Variants in DDI2 observed in about 807,000 individuals in gnomAD.
The protein encoded by DDI2 is DDI proteasomal shuttling factor 2, also known as protein DDI1 homolog 2.
A neutral mutation model predicts 48.1 loss-of-function variants in DDI2; 5 were observed. The observed-to-expected ratio is 0.10, with a 90% CI of 0.05 to 0.22. The LOEUF (loss-of-function observed/expected upper bound fraction) is 0.22. Among genes scored for constraint, DDI2 ranks in the 10% least tolerant of loss-of-function variants. DDI2 has a pLI of 1.00. For synonymous variants in DDI2, 205 were observed against 183.6 expected, an observed-to-expected ratio of 1.12 and a Z score of -0.94; for missense variants, 285 against 506.2, an observed-to-expected ratio of 0.56 and a Z score of 4.19.
chr1:15,636,095 T>C (rs6660234), intron 4 of DDI2, among the ~76,000 whole-genome samples: 47,521 of 152,088 alleles, frequency 0.31, 8,150 homozygotes, highest in African/African-American at 0.43. Flanking sequence ...ATGATTATTA[T>C]GAAAAGAACA....
intron 1 of DDI2, among the ~76,000 whole-genome samples, chr1:15,623,666 G>C (rs1024470335): frequency 1.3e-5 from 2 of 151,850 alleles, no homozygotes; most frequent in Non-Finnish European, 2.9e-5. Flanking sequence ...TCCTCCCAAA[G>C]TTTTGGAATT....
chr1:15,652,549 C>T (rs1032147901), intron 8 of DDI2, among the ~76,000 whole-genome samples: 13 of 142,292 alleles, frequency 9.1e-5, no homozygotes, highest in African/African-American at 3.4e-4. Flanking sequence ...ATTGGCCAGG[C>T]GCGGTGGCTC....
At chr1:15,644,212 T>C (rs1640051111) in intron 6 of DDI2, among the ~76,000 whole-genome samples, 1 of 152,230 alleles carries the variant, frequency 6.6e-6, no homozygotes, top group African/African-American at 2.4e-5. Context: ...GACTGGCAGT[T>C]TCAGGCCTGC....
rs542680138 is a variant in DDI2 at position 15,661,999 on chromosome 1, A to G, written c.*2209A>G. Reference sequence around the variant, plus strand: ...AAGCTTTTTATTCTCATTAAGATGTATCCTGGAATAAAATGGATGGTTTTG... The same window carrying G: ...AAGCTTTTTATTCTCATTAAGATGTGTCCTGGAATAAAATGGATGGTTTTG... On this transcript the variant is annotated 3_prime_UTR_variant, in exon 10 of 10. Transcript: ENST00000480945. 9.6e-5 allele frequency: 29 copies of G among 301,602 alleles called. No homozygotes were observed. The South Asian group carries it at 1.0e-3, about 11-fold the overall frequency. The allele number at this position is 301,602 out of a possible 1,614,324, so 18.7% of individuals were successfully genotyped here.
At position 15,667,510 on chromosome 1, in the gene DDI2, T is replaced by G. The variant is rs1336235977; in HGVS notation, c.*7720T>G. ...TACTGACCATCTGGGCTAGCACGACTTAGCAGAGGGTTCTGCAGGATGTGC... is the reference window on the plus strand; with the variant it reads ...TACTGACCATCTGGGCTAGCACGACGTAGCAGAGGGTTCTGCAGGATGTGC... On this transcript the variant is annotated 3_prime_UTR_variant, in exon 10 of 10. Transcript: ENST00000480945. The G allele has an allele frequency of 6.6e-6, 1 of 152,198 alleles. No homozygotes were observed. The highest frequency in any genetic ancestry group is 1.5e-5 in the Non-Finnish European group (1 of 68,042). The allele number at this position is 152,198 out of a possible 1,614,324, so 9.4% of individuals were successfully genotyped here. A position where few individuals can be genotyped will look rare whatever the true frequency, so the allele number is the denominator to read the frequency against.
At position 15,649,710 on chromosome 1, in the gene DDI2, T is replaced by G; in HGVS notation, c.890-10T>G. ...GTAACAATAACCTTTTCTCTTCATG[T>G]GCTTTTTAGCTCAGGTTCAGATTGA... On this transcript the variant is annotated splice_polypyrimidine_tract_variant and intron_variant, in intron 6 of 9. Coordinates refer to ENST00000480945, the MANE Select transcript of DDI2 (RefSeq NM_032341.5). 6.2e-7 allele frequency: 1 copy of G among 1,605,550 alleles called. No individual in the cohort carries two copies. Among genetic ancestry groups the G allele is most frequent in the Non-Finnish European group, 8.5e-7 (1 of 1,177,524 alleles).
At position 15,661,184 on chromosome 1, in the gene DDI2, A is replaced by C; in HGVS notation, c.*1394A>C. 6.2e-7 allele frequency: 1 copy of C among 1,614,192 alleles called. No homozygotes were observed. Among genetic ancestry groups the C allele is most frequent in the South Asian group, 1.1e-5 (1 of 91,076 alleles). ...GGTACTTCATCTGACACTGGAAGAG[A>C]AGCTGTAGAAAATGTAAACTTCAGG... On this transcript the variant is annotated 3_prime_UTR_variant, in exon 10 of 10. Coordinates refer to ENST00000480945, the MANE Select transcript of DDI2 (RefSeq NM_032341.5).
intron 6 of DDI2, among the ~76,000 whole-genome samples, chr1:15,646,552 T>C (rs1425845873): frequency 6.6e-6 from 1 of 152,122 alleles, no homozygotes; most frequent in Non-Finnish European, 1.5e-5. Flanking sequence ...CCGGGCGTGG[T>C]GGCGGGTGCC....
Position 15,617,737 on chromosome 1 carries a change from G to T in DDI2, c.67G>T (p.Ala23Ser). 1 of 1,610,420 alleles carries T rather than the reference G, an allele frequency of 6.2e-7. No individual in the cohort carries two copies. Residue 23 changes from alanine (A) to serine (S), a missense_variant, in exon 1 of 10, where the codon GCC becomes TCC. Ala to Ser is a moderately conservative substitution (Grantham distance 99). Coordinates refer to ENST00000480945, the MANE Select transcript of DDI2 (RefSeq NM_032341.5). ...GGTGACCTTTTCCCTCCAGGTCGAC[G>T]CCGACTTCGAGCTGCACAACTTCCG... is the stretch of plus-strand genomic sequence containing the variant. ...SEVTFSLQVD[A>S]DFELHNFRAL...
In DDI2 at chr1:15,632,065, A is replaced by G. The variant is rs1043309688; in HGVS notation, c.506-1374A>G. ...GTGATCCACCCGTCTCGGCTTCCCA[A>G]AGTACTGAGATTACAGGCGTGAGCC... On this transcript the variant is annotated intron_variant, in intron 3 of 9. Transcript: ENST00000480945. Among the ~76,000 whole-genome samples, 8 of 151,746 alleles carry G rather than the reference A, an allele frequency of 5.3e-5. No individual in the cohort carries two copies. In the East Asian group the frequency reaches 5.8e-4, roughly 11 times the overall value.
chr1:15,643,006 G>T (rs905586569), intron 5 of DDI2, among the ~76,000 whole-genome samples: 1 of 152,186 alleles, frequency 6.6e-6, no homozygotes, highest in Non-Finnish European at 1.5e-5. Context: ...GGTGGAGCTT[G>T]TAGTGAGCTG....
In DDI2 at chr1:15,661,432, A is replaced by G. The variant is rs1006909572; in HGVS notation, c.*1642A>G. ...TTTGTCATCCAATTTCATATTGGTT[A>G]AAGACTTAGGTCAGGGCATACAGAA... On this transcript the variant is annotated 3_prime_UTR_variant, in exon 10 of 10. Transcript: ENST00000480945. 3 of 1,614,066 alleles carry G rather than the reference A, an allele frequency of 1.9e-6. No homozygotes were observed. The highest frequency in any genetic ancestry group is 2.7e-5 in the African/African-American group (2 of 74,946).
At chr1:15,642,789 C>T (rs377674633) in intron 5 of DDI2, among the ~76,000 whole-genome samples, 40 of 152,248 alleles carry the variant, frequency 2.6e-4, no homozygotes, top group African/African-American at 7.7e-4. Context: ...CTGGACGTGC[C>T]GGGTGCAGTG....
chr1:15,645,255 TG>T (rs1281822687), intron 6 of DDI2, among the ~76,000 whole-genome samples: 5 of 152,204 alleles, frequency 3.3e-5, no homozygotes, highest in South Asian at 4.1e-4. Context: ...ATTTTCACAA[TG>T]CATGCTTGGG....
chr1:15,630,939 G>A (rs934353870), intron 3 of DDI2, among the ~76,000 whole-genome samples: 4 of 152,198 alleles, frequency 2.6e-5, no homozygotes, highest in Admixed American at 2.6e-4. Context: ...CGCCTCCCGG[G>A]TTCATGCCAT....
intron 1 of DDI2, among the ~76,000 whole-genome samples, chr1:15,626,453 T>A (rs1639756327): frequency 6.6e-6 from 1 of 152,070 alleles, no homozygotes; most frequent in Non-Finnish European, 1.5e-5. Flanking sequence ...GGAACAGCAG[T>A]CATAGTGAAA....
In DDI2 at chr1:15,658,943, A is replaced by G. The variant is rs190034567; in HGVS notation, c.*47-894A>G. 1.7e-4 allele frequency among the ~76,000 whole-genome samples: 26 copies of G among 152,252 alleles called. No homozygotes were observed. In the East Asian group the frequency reaches 2.1e-3, roughly 12 times the overall value. Reference sequence around the variant, plus strand: ...CCAGTTGAAAAACTATTAATGAACCATCTCCCTCCACATTCCCCTTTCTTT... The same window carrying G: ...CCAGTTGAAAAACTATTAATGAACCGTCTCCCTCCACATTCCCCTTTCTTT... On this transcript the variant is annotated intron_variant, in intron 9 of 9. Transcript: ENST00000480945.
intron 4 of DDI2, 185 bp downstream of exon 4, chr1:15,633,750 C>A: frequency 1.2e-6 from 1 of 837,904 alleles, no homozygotes; most frequent in Non-Finnish European, 1.9e-6. Context: ...TTTGACATGA[C>A]AAAGATATAG....
chr1:15,645,732 T>C (rs1640080467), intron 6 of DDI2, among the ~76,000 whole-genome samples: 1 of 151,976 alleles, frequency 6.6e-6, no homozygotes, highest in Admixed American at 6.6e-5. Flanking sequence ...TAGCCGGGTG[T>C]GGTGGCAAGT....
Sources: gnomAD v4.1 joint callset for allele counts (sites outside exome capture counted in the v4.1 genomes callset) on GRCh38, gnomAD v4.1.1 for gene constraint, MANE v1.5 for transcripts, NCBI Gene and HGNC (gene_info 2026-07-23, HGNC 2026-07-21) for gene names.